NLGN1: variants seen among roughly 807,000 people sequenced by gnomAD.
NLGN1 encodes the protein neuroligin-1.
A neutral mutation model predicts 65.5 loss-of-function variants in NLGN1; 12 were observed. The ratio of observed to expected loss-of-function variants is 0.18; its 90% confidence interval spans 0.12 to 0.30. The LOEUF is 0.30. Among genes scored for constraint, NLGN1 ranks in the 10% least tolerant of loss-of-function variants. NLGN1 has a pLI of 1.00. For synonymous variants in NLGN1, 350 were observed against 359.5 expected (o/e 0.97, Z 0.30); for missense variants, 750 against 1,007.1 (o/e 0.74, Z 3.46).
chr3:173,696,230 A>C (rs1228259206), intron 3 of NLGN1, among the ~76,000 whole-genome samples: 1 of 152,230 alleles, frequency 6.6e-6, no homozygotes, highest in Admixed American at 6.5e-5. Flanking sequence ...AATGTGTGAC[A>C]GGAGGATTTT....
intron 4 of NLGN1, among the ~76,000 whole-genome samples, chr3:174,137,945 T>A (rs1157131479): frequency 6.6e-6 from 1 of 152,190 alleles, no homozygotes; most frequent in African/African-American, 2.4e-5. Context: ...AAAGTGTCAC[T>A]CTACTTGTTA....
intron 4 of NLGN1, among the ~76,000 whole-genome samples, chr3:174,250,432 G>T (rs909867890): frequency 1.3e-5 from 2 of 152,076 alleles, no homozygotes; most frequent in African/African-American, 4.8e-5. Context: ...TCAGTTAAGG[G>T]GGTTTATTTG....
intron 4 of NLGN1, among the ~76,000 whole-genome samples, chr3:174,150,490 A>T (rs1724115483): frequency 6.6e-6 from 1 of 152,138 alleles, no homozygotes; most frequent in Non-Finnish European, 1.5e-5. Context: ...GGCGTTGCCA[A>T]ATGAATCCTA....
chr3:173,636,315 T>A (rs575514685), intron 3 of NLGN1, among the ~76,000 whole-genome samples: 2 of 152,170 alleles, frequency 1.3e-5, no homozygotes, highest in Admixed American at 1.3e-4. Flanking sequence ...AAAAGCAATG[T>A]TTTTATCAAC....
intron 3 of NLGN1, among the ~76,000 whole-genome samples, chr3:173,767,148 GGGACT>G (rs1778898397): frequency 6.6e-6 from 1 of 152,086 alleles, no homozygotes; most frequent in Non-Finnish European, 1.5e-5. Flanking sequence ...AACAAAAGAA[GGGACT>G]GGCGTGTTTT....
intron 4 of NLGN1, among the ~76,000 whole-genome samples, chr3:174,201,005 G>A (rs1409965370): frequency 1.3e-5 from 2 of 152,094 alleles, no homozygotes; most frequent in African/African-American, 4.8e-5. Context: ...AGAATGCCGA[G>A]GTAGGTGAAT....
At chr3:173,811,302 A>T (rs1423819519) in intron 4 of NLGN1, among the ~76,000 whole-genome samples, 1 of 151,996 alleles carries the variant, frequency 6.6e-6, no homozygotes, top group Non-Finnish European at 1.5e-5. Flanking sequence ...GATGGCTCAC[A>T]CCTGTAATCC....
chr3:174,179,813 A>G (rs1730066884), intron 4 of NLGN1, among the ~76,000 whole-genome samples: 1 of 152,112 alleles, frequency 6.6e-6, no homozygotes, highest in East Asian at 1.9e-4. Flanking sequence ...TAGAACTTTA[A>G]TTTAAAATCC....
At chr3:174,160,622 T>C (rs1726306669) in intron 4 of NLGN1, among the ~76,000 whole-genome samples, 2 of 151,174 alleles carry the variant, frequency 1.3e-5, no homozygotes, top group South Asian at 4.1e-4. Flanking sequence ...GTGAACACTT[T>C]TCTTTCTCCT....
intron 4 of NLGN1, among the ~76,000 whole-genome samples, chr3:174,115,623 A>G (rs1285820758): frequency 6.6e-6 from 1 of 152,190 alleles, no homozygotes; most frequent in African/African-American, 2.4e-5. Context: ...AAAGGTACAA[A>G]TGAGGCTGGG....
At chr3:174,078,739 C>T (rs923470505) in intron 4 of NLGN1, among the ~76,000 whole-genome samples, 7 of 152,090 alleles carry the variant, frequency 4.6e-5, no homozygotes, top group Non-Finnish European at 1.0e-4. Flanking sequence ...ACGCCATAGT[C>T]TCTGAAAAAG....
At chr3:173,864,682 G>A (rs1265858339) in intron 4 of NLGN1, among the ~76,000 whole-genome samples, 1 of 152,154 alleles carries the variant, frequency 6.6e-6, no homozygotes, top group Non-Finnish European at 1.5e-5. Context: ...TTCTGTTTAT[G>A]TATGCAACTG....
At chr3:173,870,253 A>G (rs558947320) in intron 4 of NLGN1, among the ~76,000 whole-genome samples, 1 of 152,332 alleles carries the variant, frequency 6.6e-6, no homozygotes, top group Admixed American at 6.5e-5. Context: ...AAATAAATTC[A>G]TTTACATATA....
intron 3 of NLGN1, among the ~76,000 whole-genome samples, chr3:173,743,493 T>C (rs12489631): frequency 5.3e-5 from 8 of 152,108 alleles, no homozygotes; most frequent in Non-Finnish European, 1.0e-4. Context: ...TTCTACTATC[T>C]AATATATCAC....
At chr3:173,642,924 A>G (rs1046315874) in intron 3 of NLGN1, among the ~76,000 whole-genome samples, 3 of 152,240 alleles carry the variant, frequency 2.0e-5, no homozygotes, top group Non-Finnish European at 4.4e-5. Flanking sequence ...AGCAGACAAG[A>G]CATTAAAAGT....
chr3:173,831,734 C>A (rs1722612875), intron 4 of NLGN1, among the ~76,000 whole-genome samples: 1 of 151,908 alleles, frequency 6.6e-6, no homozygotes, highest in Non-Finnish European at 1.5e-5. Flanking sequence ...TAAAAATATA[C>A]CCACAATTTT....
chr3:174,222,565 T>C (rs1738860627), intron 4 of NLGN1, among the ~76,000 whole-genome samples: 1 of 152,196 alleles, frequency 6.6e-6, no homozygotes, highest in Non-Finnish European at 1.5e-5. Context: ...TCTGAGCTAA[T>C]CATTTTTAGA....
intron 4 of NLGN1, among the ~76,000 whole-genome samples, chr3:174,191,735 G>A (rs1259567920): frequency 1.3e-5 from 2 of 152,126 alleles, no homozygotes; most frequent in East Asian, 1.9e-4. Context: ...CCCAGATGCT[G>A]TATCCCAGGC....
intron 2 of NLGN1, among the ~76,000 whole-genome samples, chr3:173,487,386 T>C (rs1276901074): frequency 2.6e-5 from 4 of 152,044 alleles, no homozygotes; most frequent in African/African-American, 7.2e-5. Flanking sequence ...ATTAAGACTT[T>C]CTTGGTGATC....
Sources: allele counts gnomAD v4.1 joint callset (sites outside exome capture counted in the v4.1 genomes callset), GRCh38; gene constraint gnomAD v4.1.1; transcripts MANE v1.5; gene names NCBI Gene and HGNC (gene_info 2026-07-23, HGNC 2026-07-21).